GIMD1: variants seen among roughly 807,000 people sequenced by gnomAD.
GIMD1 encodes the protein GTPase IMAP family member GIMD1.
A neutral mutation model predicts 14.9 loss-of-function variants in GIMD1; 14 were observed. The ratio of observed to expected loss-of-function variants is 0.94; its 90% CI spans 0.62 to 1.47. GIMD1 has a LOEUF of 1.47. GIMD1 is among the 40% of genes most tolerant of loss of function. The probability of loss-of-function intolerance (pLI) is 0.00; values close to 1 mark genes in which losing one functional copy is unlikely to be tolerated. For missense variants in GIMD1, 272 were observed against 255.3 expected (o/e 1.07, Z -0.44); for synonymous variants, 91 against 90.5 (o/e 1.01, Z -0.03).
intron 1 of GIMD1, among the ~76,000 whole-genome samples, chr4:106,368,281 T>TC (rs1770737556): frequency 6.6e-6 from 1 of 152,108 alleles, no homozygotes; most frequent in African/African-American, 2.4e-5. Flanking sequence ...CACTGCATGA[T>TC]CCCCCATAGC....
At chr4:106,368,326 T>C (rs1391964355) in intron 1 of GIMD1, among the ~76,000 whole-genome samples, 1 of 152,200 alleles carries the variant, frequency 6.6e-6, no homozygotes, top group Non-Finnish European at 1.5e-5. Flanking sequence ...ACTAGATTTA[T>C]AAGCAGAGTT....
At chr4:106,362,384 A>C (rs1770626036) in intron 2 of GIMD1, among the ~76,000 whole-genome samples, 1 of 152,116 alleles carries the variant, frequency 6.6e-6, no homozygotes, top group South Asian at 2.1e-4. Flanking sequence ...GATACCTCAC[A>C]TAAAAATCCA....
chr4:106,365,702 G>GT (rs1770687361), intron 2 of GIMD1, among the ~76,000 whole-genome samples: 1 of 152,120 alleles, frequency 6.6e-6, no homozygotes, highest in African/African-American at 2.4e-5. Flanking sequence ...TAATACTAGT[G>GT]AAGTCCAGCA....
chr4:106,367,220 CACCTGG>C lies in GIMD1; in HGVS notation c.210_215del (p.Gln71_Val72del). The C allele has an allele frequency of 6.5e-7, 1 of 1,535,806 alleles. No individual in the cohort carries two copies. Among genetic ancestry groups the C allele is most frequent in the Non-Finnish European group, 8.7e-7 (1 of 1,146,720 alleles). On this transcript the variant is annotated inframe_deletion, in exon 2 of 3. Coordinates refer to ENST00000638719, the MANE Select transcript of GIMD1 (RefSeq NM_001195138.2). Reference sequence around the variant, plus strand: ...TGTGTGGATAACCTGGAGTGTCCAACACCTGGACCTGCAGGGCTACCTCTAGCCCAC... The same window carrying C: ...TGTGTGGATAACCTGGAGTGTCCAACACCTGCAGGGCTACCTCTAGCCCAC...
rs189137483 is a variant in GIMD1 at position 106,366,006 on chromosome 4, C to T, written c.393+1037G>A. On this transcript the variant is annotated intron_variant, in intron 2 of 2. Coordinates refer to ENST00000638719, the MANE Select transcript of GIMD1 (RefSeq NM_001195138.2). ...CCTAGCTGTGGTCATGTCCAGGCCT[C>T]TTATCCAGCTCCTCTCCTTATTCAC... 3.4e-4 allele frequency among the ~76,000 whole-genome samples: 52 copies of T among 152,056 alleles called. No individual in the cohort carries two copies. In the East Asian group the frequency reaches 9.9e-3, roughly 29 times the overall value.
At chr4:106,363,341 C>T (rs1338691572) in intron 2 of GIMD1, among the ~76,000 whole-genome samples, 1 of 152,064 alleles carries the variant, frequency 6.6e-6, no homozygotes, top group Non-Finnish European at 1.5e-5. Context: ...ATGAAGTTTA[C>T]AGAAGTTACT....
intron 2 of GIMD1, among the ~76,000 whole-genome samples, chr4:106,359,289 T>G (rs1770579966): frequency 6.6e-6 from 1 of 151,900 alleles, no homozygotes; most frequent in African/African-American, 2.4e-5. Context: ...AAAATAACAT[T>G]ACCTCCATTC....
At chr4:106,361,063 T>C (rs1015154740) in intron 2 of GIMD1, among the ~76,000 whole-genome samples, 1 of 152,114 alleles carries the variant, frequency 6.6e-6, no homozygotes, top group African/African-American at 2.4e-5. Flanking sequence ...GGAGGCTTTC[T>C]AAAAATGCAT....
At chr4:106,359,413 GAAGA>G (rs1197959094) in intron 2 of GIMD1, among the ~76,000 whole-genome samples, 7 of 151,748 alleles carry the variant, frequency 4.6e-5, no homozygotes, top group East Asian at 1.9e-4. Context: ...CTAATAATCA[GAAGA>G]AAGAAAGAAA....
rs139931133 is a variant in GIMD1, at chr4:106,362,638, G to A, written c.394-4195C>T. ...TGTGGTTGATGAAATCATAGCATCT[G>A]GACTTTTTAGGGTGAAACAAACAAA... On this transcript the variant is annotated intron_variant, in intron 2 of 2. Transcript: ENST00000638719. Among the ~76,000 whole-genome samples the A allele has an allele frequency of 3.7e-3, 567 of 151,994 alleles. 2 individuals are homozygous for A. Among genetic ancestry groups the A allele is most frequent in the African/African-American group, 6.7e-3 (279 of 41,456 alleles).
chr4:106,365,661 C>A (rs1022931233), intron 2 of GIMD1, among the ~76,000 whole-genome samples: 2 of 152,044 alleles, frequency 1.3e-5, no homozygotes. Flanking sequence ...CCTGGTGTCT[C>A]TGAGCTCAGT....
intron 2 of GIMD1, among the ~76,000 whole-genome samples, chr4:106,360,124 A>G (rs1298731729): frequency 6.6e-6 from 1 of 152,034 alleles, no homozygotes; most frequent in East Asian, 1.9e-4. Context: ...GTTTTGAAGT[A>G]TAATTAATCT....
chr4:106,367,245 A>G lies in GIMD1; in HGVS notation c.191T>C (p.Leu64Pro), dbSNP rs1561042163. 6.5e-7 allele frequency: 1 copy of G among 1,535,976 alleles called. No homozygotes were observed. ...CACCTGGACCTGCAGGGCTACCTCT[A>G]GCCCACCTCGACGCATGAAGCTGTG... ...HLHSFMRRGG[L>P]EVALQVQVLD... is the part of the protein sequence containing the mutation. Residue 64 changes from leucine to proline, a missense_variant, in exon 2 of 3, where the codon CTA (leucine) becomes CCA (proline). Leu to Pro is a moderately conservative substitution (Grantham distance 98, BLOSUM62 -3). Transcript: ENST00000638719.
intron 2 of GIMD1, among the ~76,000 whole-genome samples, chr4:106,359,753 AAAGG>A (rs1036945295): frequency 1.4e-4 from 21 of 151,748 alleles, no homozygotes; most frequent in African/African-American, 4.8e-4. Flanking sequence ...AAGAAAGGAG[AAAGG>A]AAGGAAGGAA....
At chr4:106,366,608 A>T (rs2125934806) in intron 2 of GIMD1, among the ~76,000 whole-genome samples, 1 of 152,292 alleles carries the variant, frequency 6.6e-6, no homozygotes, top group South Asian at 2.1e-4. Context: ...AAATACAGAT[A>T]TGCAGGCTCC....
intron 2 of GIMD1, among the ~76,000 whole-genome samples, chr4:106,360,960 A>G (rs1271929832): frequency 2.0e-5 from 3 of 152,052 alleles, no homozygotes; most frequent in African/African-American, 7.2e-5. Flanking sequence ...AAACTAATGC[A>G]AGTGGCTAAA....
At chr4:106,366,535 C>G (rs1162231655) in intron 2 of GIMD1, among the ~76,000 whole-genome samples, 1 of 152,120 alleles carries the variant, frequency 6.6e-6, no homozygotes, top group Admixed American at 6.5e-5. Flanking sequence ...GGATGCAAGT[C>G]AGTGTTTAAG....
chr4:106,359,651 G>A (rs1244213673), intron 2 of GIMD1, among the ~76,000 whole-genome samples: 1 of 151,412 alleles, frequency 6.6e-6, no homozygotes, highest in African/African-American at 2.4e-5. Context: ...CATTTTCAAT[G>A]TACCTAAAAA....
At chr4:106,359,176 A>G (rs1240556586) in intron 2 of GIMD1, among the ~76,000 whole-genome samples, 2 of 151,962 alleles carry the variant, frequency 1.3e-5, no homozygotes, top group Non-Finnish European at 2.9e-5. Flanking sequence ...AGCAGAAGTA[A>G]CAGCATGTGG....
Sources: allele counts gnomAD v4.1 joint callset (sites outside exome capture counted in the v4.1 genomes callset), GRCh38; gene constraint gnomAD v4.1.1; transcripts MANE v1.5; gene names NCBI Gene and HGNC (gene_info 2026-07-23, HGNC 2026-07-21).